The following PCLO variants were observed in gnomAD, a reference collection of about 807,000 sequenced individuals.
PCLO encodes the protein protein piccolo.
A neutral mutation model predicts 427.5 loss-of-function variants in PCLO; 82 were observed. The ratio of observed to expected loss-of-function variants is 0.19; its 90% CI spans 0.16 to 0.23. The LOEUF (loss-of-function observed/expected upper bound fraction) is 0.23. Ranked by LOEUF, PCLO falls within the 10% of genes least tolerant of loss-of-function variation. The pLI, the probability that PCLO is intolerant of heterozygous loss-of-function variation, is 1.00. For synonymous variants in PCLO, 2,357 were observed against 2,155.4 expected, an observed-to-expected ratio of 1.09 and a Z score of -2.59; for missense variants, 6,239 against 6,115.9, an observed-to-expected ratio of 1.02 and a Z score of -0.67.
At chr7:83,096,889 TA>T (rs1249655899) in intron 3 of PCLO, among the ~76,000 whole-genome samples, 4 of 58,656 alleles carry the variant, frequency 6.8e-5, no homozygotes, top group African/African-American at 3.5e-4. Context: ...ATATATTATA[TA>T]ATATATTAAT....
chr7:82,809,057 A>T, intron 20 of PCLO, among the ~76,000 whole-genome samples: 1 of 151,972 alleles, frequency 6.6e-6, no homozygotes, highest in East Asian at 1.9e-4. Context: ...CTCTTGAAAC[A>T]GACTTCAAGA....
chr7:83,069,222 CAA>C (rs1789744729), intron 3 of PCLO, among the ~76,000 whole-genome samples: 1 of 151,824 alleles, frequency 6.6e-6, no homozygotes, highest in African/African-American at 2.4e-5. Context: ...CACTCCCATA[CAA>C]AAAAAATCCA....
At chr7:82,968,590 G>A (rs1449520624) in intron 3 of PCLO, among the ~76,000 whole-genome samples, 1 of 141,792 alleles carries the variant, frequency 7.1e-6, no homozygotes, top group African/African-American at 2.6e-5. Context: ...CTTGATCTTG[G>A]TTCACTGCAA....
At chr7:82,981,066 G>A (rs193161158) in intron 3 of PCLO, among the ~76,000 whole-genome samples, 281 of 152,196 alleles carry the variant, frequency 1.8e-3, no homozygotes, top group African/African-American at 6.5e-3. Context: ...TTCTGCACAT[G>A]TACCCAAGAA....
intron 24 of PCLO, among the ~76,000 whole-genome samples, chr7:82,759,248 ATT>A (rs538013060): frequency 6.7e-6 from 1 of 148,778 alleles, no homozygotes; most frequent in Non-Finnish European, 1.5e-5. Context: ...AAACTAAAGA[ATT>A]TTTTTTTTTC....
At chr7:82,845,853 T>C (rs1433870843) in intron 12 of PCLO, among the ~76,000 whole-genome samples, 1 of 152,130 alleles carries the variant, frequency 6.6e-6, no homozygotes, top group Non-Finnish European at 1.5e-5. Context: ...GTTCTTTCTC[T>C]AAGGGGAAAA....
Position 82,801,508 on chromosome 7 carries a change from T to G in PCLO, c.15007+10A>C. On this transcript the variant is annotated intron_variant, in intron 22 of 24. Transcript: ENST00000333891. ...TCAGCCAAAATCCAATATTGTAAAT[T>G]TTTACTTACCTTCAGTGTCTGCTAG... 1 of 1,490,360 alleles carries G rather than the reference T, an allele frequency of 6.7e-7. No homozygotes were observed. Among genetic ancestry groups the G allele is most frequent in the Non-Finnish European group, 9.4e-7 (1 of 1,067,698 alleles). The allele number at this position is 1,490,360 out of a possible 1,614,324, so 92.3% of individuals were successfully genotyped here. A position where few individuals can be genotyped will look rare whatever the true frequency, so the allele number is the denominator to read the frequency against.
At chr7:82,788,334 TAATG>T (rs1027543371) in intron 22 of PCLO, among the ~76,000 whole-genome samples, 32 of 149,618 alleles carry the variant, frequency 2.1e-4, no homozygotes, top group South Asian at 8.3e-4. Context: ...TAAAAAGCAT[TAATG>T]AATGAAATAA....
chr7:83,062,480 A>G (rs763347753), intron 3 of PCLO, among the ~76,000 whole-genome samples: 2 of 152,134 alleles, frequency 1.3e-5, no homozygotes, highest in Non-Finnish European at 2.9e-5. Flanking sequence ...ATTTTCTTTC[A>G]TAGTGATATT....
In PCLO at chr7:82,949,487, C is replaced by T. The variant is rs369294508; in HGVS notation, c.11101G>A (p.Glu3701Lys). 28 of 1,600,180 alleles carry T rather than the reference C, an allele frequency of 1.7e-5. No homozygotes were observed. Among genetic ancestry groups the T allele is most frequent in the Admixed American group, 5.1e-5 (3 of 58,614 alleles). ...ESSRAPFQYT[E>K]GYTTKGSQTM... ...AGAATCACTCTTACCGTATAGCCCTCGGTATACTGAAAAGGAGCCCTGGAA... is the reference window on the plus strand; with the variant it reads ...AGAATCACTCTTACCGTATAGCCCTTGGTATACTGAAAAGGAGCCCTGGAA... The change falls in exon 6 of 25, where the codon GAG becomes AAG. Residue 3701 changes from glutamate to lysine, a missense_variant. Glu to Lys is a moderately conservative substitution (Grantham distance 56, BLOSUM62 1). Around this residue, in one of 5 missense-constraint regions of PCLO, gnomAD observed 4,677 missense variants for 4,468.4 expected, o/e 1.05. Coordinates refer to ENST00000333891, the MANE Select transcript of PCLO (RefSeq NM_033026.6).
At chr7:82,835,631 CAGCAG>C (rs1584028551) in intron 16 of PCLO, 31 bp downstream of exon 16, 1 of 1,575,762 alleles carries the variant, frequency 6.3e-7, no homozygotes, top group East Asian at 2.3e-5. Context: ...CAAGACATAG[CAGCAG>C]AGCTTGACAC....
intron 4 of PCLO, among the ~76,000 whole-genome samples, chr7:82,959,863 T>C (rs1177125053): frequency 6.6e-6 from 1 of 152,158 alleles, no homozygotes; most frequent in East Asian, 1.9e-4. Context: ...TCCAGGCTTT[T>C]TTTCCTTTCC....
At chr7:82,904,347 A>G (rs11765159) in intron 8 of PCLO, among the ~76,000 whole-genome samples, 91,398 of 151,304 alleles carry the variant, frequency 0.6, 28,582 homozygotes, top group East Asian at 0.81. Flanking sequence ...TGCCCTCCCC[A>G]CATCTTTTTC....
intron 4 of PCLO, among the ~76,000 whole-genome samples, chr7:82,962,767 C>A (rs1795681581): frequency 6.6e-6 from 1 of 151,856 alleles, no homozygotes; most frequent in Non-Finnish European, 1.5e-5. Context: ...AGGGAGATGG[C>A]AGTACATGTG....
At chr7:82,856,232 C>A (rs1379728146) in intron 10 of PCLO, among the ~76,000 whole-genome samples, 1 of 152,084 alleles carries the variant, frequency 6.6e-6, no homozygotes, top group Non-Finnish European at 1.5e-5. Flanking sequence ...AAAGATTGGA[C>A]TTGATTACAT....
At chr7:82,927,204 G>A (rs1794732918) in intron 6 of PCLO, among the ~76,000 whole-genome samples, 1 of 152,032 alleles carries the variant, frequency 6.6e-6, no homozygotes. Context: ...AAGAAAATTA[G>A]GACCAATTGT....
At chr7:82,989,523 G>A (rs2107831) in intron 3 of PCLO, among the ~76,000 whole-genome samples, 113,881 of 151,940 alleles carry the variant, frequency 0.75, 43,285 homozygotes, top group East Asian at 0.92. Context: ...TTACTCAAAT[G>A]AAATATGGCA....
chr7:82,782,065 TGAA>T (rs1790884020), intron 22 of PCLO, among the ~76,000 whole-genome samples: 1 of 152,206 alleles, frequency 6.6e-6, no homozygotes, highest in South Asian at 2.1e-4. Context: ...AACCCCAACT[TGAA>T]GCCAGTCGGT....
Position 82,902,662 on chromosome 7 carries a change from T to C in PCLO, c.13517A>G (p.His4506Arg), listed in dbSNP as rs1232948671. 1 of 1,577,988 alleles carries C rather than the reference T, an allele frequency of 6.3e-7. No individual in the cohort carries two copies. Among genetic ancestry groups the C allele is most frequent in the African/African-American group, 1.3e-5 (1 of 74,084 alleles). The change falls in exon 9 of 25, where the codon CAC becomes CGC. Residue 4506 changes from histidine (H) to arginine (R), a missense_variant. By Grantham distance (29) the His-to-Arg change is conservative. This residue lies in a region of PCLO where 877 missense variants were observed against 925.5 expected (regional missense o/e 0.95). Coordinates refer to ENST00000333891, the MANE Select transcript of PCLO (RefSeq NM_033026.6). Reference sequence around the variant, plus strand: ...ATGATTTGCTTTACCTGAAACTGTGTGATCCTTTGAGTCTCTTGTTATTTT... The same window carrying C: ...ATGATTTGCTTTACCTGAAACTGTGCGATCCTTTGAGTCTCTTGTTATTTT... ...RIKITRDSKD[H>R]TVSGNGLGIR...
Sources: gnomAD v4.1 joint callset for allele counts (sites outside exome capture counted in the v4.1 genomes callset) on GRCh38, gnomAD v4.1.1 for gene constraint, gnomAD v4.1.1 regional missense constraint, MANE v1.5 for transcripts, NCBI Gene and HGNC (gene_info 2026-07-23, HGNC 2026-07-21) for gene names.